The following GNL2 variants were observed in gnomAD, a reference collection of about 807,000 sequenced individuals.
GNL2 encodes nucleolar GTP-binding protein 2.
In GNL2, 51 loss-of-function variants were observed where a neutral mutation model predicts 92.3. The ratio of observed to expected loss-of-function variants is 0.55; its 90% CI spans 0.44 to 0.70. The LOEUF (loss-of-function observed/expected upper bound fraction) is 0.70. GNL2 is among the 30% of genes least tolerant of loss of function. GNL2 has a pLI of 0.00. For synonymous variants in GNL2, 283 were observed against 300.6 expected (o/e 0.94, Z 0.61); for missense variants, 844 against 895.6 (o/e 0.94, Z 0.74).
Position 37,567,716 on chromosome 1 carries a change from T to C in GNL2, c.2000A>G (p.Gln667Arg). 2 of 1,614,026 alleles carry C rather than the reference T, an allele frequency of 1.2e-6. No homozygotes were observed. Among genetic ancestry groups the C allele is most frequent in the Non-Finnish European group, 1.7e-6 (2 of 1,179,844 alleles). The change falls in exon 15 of 16, where the codon CAG becomes CGG. Residue 667 changes from glutamine (Q) to arginine (R), a missense_variant. Coordinates refer to ENST00000373062, the MANE Select transcript of GNL2 (RefSeq NM_013285.3). ...KKRKAQREEE[Q>R]EHSNKAPRAL... Reference sequence around the variant, plus strand: ...CCTGGGAGCTTTATTTGAATGTTCCTGTTCCTCTTCCCTTTGTGCCTTCCG... The same window carrying C: ...CCTGGGAGCTTTATTTGAATGTTCCCGTTCCTCTTCCCTTTGTGCCTTCCG...
At chr1:37,574,268 G>T in intron 12 of GNL2, 75 bp downstream of exon 12, 2 of 805,232 alleles carry the variant, frequency 2.5e-6, no homozygotes, top group Non-Finnish European at 4.3e-6. Flanking sequence ...GCTCTATGAA[G>T]AGAGACAATC....
In GNL2 at chr1:37,574,740, T is replaced by C; in HGVS notation, c.1227A>G (p.Thr409=). 2 of 1,613,764 alleles carry C rather than the reference T, an allele frequency of 1.2e-6. No individual in the cohort carries two copies. Among genetic ancestry groups the C allele is most frequent in the East Asian group, 2.2e-5 (1 of 44,890 alleles). Residue 409 remains threonine, a synonymous_variant, in exon 11 of 16, where the codon ACA becomes ACG. Coordinates refer to ENST00000373062, the MANE Select transcript of GNL2 (RefSeq NM_013285.3). ...CATTCTCCCAAGAATCAATCTTGTA[T>C]GTTTTGCTGATATATTCTGGCTTTG... is the stretch of plus-strand genomic sequence containing the variant. ...ERAKPEYISK[T]YKIDSWENAE...
Position 37,575,723 on chromosome 1 carries a change from A to G in GNL2, c.1039-24T>C. ...ACCTGAAGTCAGAAAAAAGTCAGAG[A>G]TGTCCTGTATCAAACACTAAGAGTC... On this transcript the variant is annotated intron_variant, in intron 9 of 15. Coordinates refer to ENST00000373062, the MANE Select transcript of GNL2 (RefSeq NM_013285.3). This position sits in a 1 kb window ranked among gnomAD's most constrained non-coding sequence, Gnocchi z 4.1. 7.1e-7 allele frequency: 1 copy of G among 1,417,404 alleles called. No individual in the cohort carries two copies. Among genetic ancestry groups the G allele is most frequent in the Non-Finnish European group, 9.8e-7 (1 of 1,016,464 alleles). 87.8% of individuals were successfully genotyped at this position (1,417,404 alleles called of 1,614,324 possible).
intron 2 of GNL2, 179 bp downstream of exon 2, chr1:37,593,583 C>G (rs1643901103): frequency 3.7e-6 from 2 of 535,750 alleles, no homozygotes; most frequent in African/African-American, 1.9e-5. Flanking sequence ...GCCAGCTACC[C>G]ATGTCCTTAA....
At position 37,592,785 on chromosome 1, in the gene GNL2, A is replaced by C. The variant is rs1210797566; in HGVS notation, c.171T>G (p.Ile57Met). Residue 57 changes from isoleucine to methionine, a missense_variant, in exon 3 of 16, where the codon ATT (isoleucine) becomes ATG (methionine). Transcript: ENST00000373062. ...CCGTTGATTGATATTGCAGGGGTTT[A>C]ATTATTTTACCACGACTGTTCCTAA... Reference protein sequence around the residue: ...KERRNSRGKIIKPLQYQSTVA... With the variant: ...KERRNSRGKIMKPLQYQSTVA... 6.2e-7 allele frequency: 1 copy of C among 1,603,864 alleles called. No individual in the cohort carries two copies. Among genetic ancestry groups the C allele is most frequent in the East Asian group, 2.2e-5 (1 of 44,842 alleles).
In GNL2 at chr1:37,574,734, C is replaced by G; in HGVS notation, c.1233G>C (p.Lys411Asn). 6.2e-7 allele frequency: 1 copy of G among 1,613,788 alleles called. No individual in the cohort carries two copies. The highest frequency in any genetic ancestry group is 8.5e-7 in the Non-Finnish European group (1 of 1,179,672). Reference sequence around the variant, plus strand: ...CCTCAGCATTCTCCCAAGAATCAATCTTGTATGTTTTGCTGATATATTCTG... The same window carrying G: ...CCTCAGCATTCTCCCAAGAATCAATGTTGTATGTTTTGCTGATATATTCTG... ...AKPEYISKTY[K>N]IDSWENAEDF... Residue 411 changes from lysine to asparagine, a missense_variant, in exon 11 of 16, where the codon AAG (lysine) becomes AAC (asparagine). Lys to Asn is a moderately conservative substitution (Grantham distance 94). Transcript: ENST00000373062.
Position 37,582,279 on chromosome 1 carries a change from G to C in GNL2, c.853C>G (p.Leu285Val). 6.2e-7 allele frequency: 1 copy of C among 1,613,534 alleles called. No homozygotes were observed. Among genetic ancestry groups the C allele is most frequent in the Non-Finnish European group, 8.5e-7 (1 of 1,179,748 alleles). Residue 285 changes from leucine (L) to valine (V), a missense_variant, in exon 8 of 16, where the codon CTT becomes GTT. Physicochemically the swap from Leu to Val is conservative, Grantham distance 32 (BLOSUM62 1). Transcript: ENST00000373062. ...DYPTLAFHASLTNPFGKGAFI... is the reference protein window; with the variant it reads ...DYPTLAFHASVTNPFGKGAFI... ...GCTCCCTTGCCAAACGGGTTAGTAA[G>C]GCTTGCATGGAAAGCAAGTGTTGGA...
rs762171160 is a variant in GNL2, at chr1:37,574,393, T to A, written c.1366A>T (p.Ile456Phe). 6.2e-7 allele frequency: 1 copy of A among 1,613,998 alleles called. No individual in the cohort carries two copies. The highest frequency in any genetic ancestry group is 2.2e-5 in the East Asian group (1 of 44,880). The change falls in exon 12 of 16, where the codon ATT (isoleucine) becomes TTT (phenylalanine). Residue 456 changes from isoleucine (I) to phenylalanine (F), a missense_variant. By Grantham distance (21) the Ile-to-Phe change is conservative (BLOSUM62 0). Coordinates refer to ENST00000373062, the MANE Select transcript of GNL2 (RefSeq NM_013285.3). ...TTGGGTGGCTTGACAAAGAAAGGAA[T>A]CCGGCCCCTCTGCCAGTCATTGAGG... ...MVLNDWQRGR[I>F]PFFVKPPNAE...
intron 8 of GNL2, among the ~76,000 whole-genome samples, chr1:37,580,870 A>G (rs1209253086): frequency 2.0e-5 from 3 of 152,230 alleles, no homozygotes; most frequent in Non-Finnish European, 4.4e-5. Flanking sequence ...ATCAGCTGTG[A>G]CTAATATTTT....
intron 5 of GNL2, 107 bp downstream of exon 5, chr1:37,587,204 T>A: frequency 1.3e-6 from 1 of 760,602 alleles, no homozygotes; most frequent in Non-Finnish European, 2.1e-6. Flanking sequence ...GAAGCGGAGG[T>A]TGCAGTGGGC....
chr1:37,569,080 G>C lies in GNL2; in HGVS notation c.1639C>G (p.Leu547Val). The C allele has an allele frequency of 6.2e-7, 1 of 1,614,102 alleles. No homozygotes were observed. The change falls in exon 13 of 16, where the codon CTG becomes GTG. Residue 547 changes from leucine to valine, a missense_variant. Physicochemically the swap from Leu to Val is conservative, Grantham distance 32 (BLOSUM62 1). Coordinates refer to ENST00000373062, the MANE Select transcript of GNL2 (RefSeq NM_013285.3). ...NVVPQFSGDD[L>V]VPVEVSDLEE... ...AGATCTGACACCTCCACAGGAACCA[G>C]GTCATCCCCAGAAAACTGAGGCACC... is the stretch of plus-strand genomic sequence containing the variant.
At chr1:37,589,781 T>C (rs766070157) in intron 4 of GNL2, among the ~76,000 whole-genome samples, 3 of 152,188 alleles carry the variant, frequency 2.0e-5, no homozygotes, top group Non-Finnish European at 2.9e-5. Context: ...TCAACCCAGA[T>C]TGAATCCTTA....
At chr1:37,581,443 C>T (rs1323364297) in intron 8 of GNL2, 1 of 456,046 alleles carries the variant, frequency 2.2e-6, no homozygotes, top group Admixed American at 2.3e-5. Flanking sequence ...TTTGGCAGGG[C>T]CCTCTCCAAC....
intron 1 of GNL2, 125 bp downstream of exon 1, chr1:37,595,634 C>T: frequency 1.3e-6 from 1 of 792,692 alleles, no homozygotes; most frequent in Non-Finnish European, 2.1e-6. Context: ...TCCCCAACAG[C>T]CACCCCGCTC....
In GNL2 at chr1:37,582,232, C is replaced by A. The variant is rs1318090580; in HGVS notation, c.900G>T (p.Gln300His). ...GATCAGGGCTCAATACCTTTCCAAACTGCCGCAGAAGCTGAATGAATGCTC... is the reference window on the plus strand; with the variant it reads ...GATCAGGGCTCAATACCTTTCCAAAATGCCGCAGAAGCTGAATGAATGCTC... The part of the protein sequence containing the change: ...GKGAFIQLLR[Q>H]FGKLHTDKKQ... The change falls in exon 8 of 16, where the codon CAG becomes CAT. Residue 300 changes from glutamine (Q) to histidine (H), a missense_variant. Gln to His is a conservative substitution (Grantham distance 24). Transcript: ENST00000373062. 6.2e-7 allele frequency: 1 copy of A among 1,608,046 alleles called. No individual in the cohort carries two copies. The highest frequency in any genetic ancestry group is 2.2e-5 in the East Asian group (1 of 44,778).
At chr1:37,589,285 A>C (rs187963359) in intron 4 of GNL2, among the ~76,000 whole-genome samples, 2 of 152,342 alleles carry the variant, frequency 1.3e-5, no homozygotes, top group East Asian at 3.9e-4. Flanking sequence ...GCAAGTAAAC[A>C]GTTTTCTTTG....
rs756075370 is a variant in GNL2, at chr1:37,574,420, C to T, written c.1339G>A (p.Val447Ile). 4 of 1,614,070 alleles carry T rather than the reference C, an allele frequency of 2.5e-6. No homozygotes were observed. Among genetic ancestry groups the T allele is most frequent in the Non-Finnish European group, 3.4e-6 (4 of 1,179,984 alleles). Residue 447 changes from valine (V) to isoleucine (I), a missense_variant, in exon 12 of 16, where the codon GTC becomes ATC. Transcript: ENST00000373062. ...EPDLQTVGKM[V>I]LNDWQRGRIP... ...CGGCCCCTCTGCCAGTCATTGAGGA[C>T]CATCTTACCCACAGTCTGCAAGTCG... is the stretch of plus-strand genomic sequence containing the variant.
intron 12 of GNL2, among the ~76,000 whole-genome samples, chr1:37,573,706 T>A (rs1057307454): frequency 6.6e-6 from 1 of 152,202 alleles, no homozygotes; most frequent in Non-Finnish European, 1.5e-5. Context: ...TCACTTACAT[T>A]TAATGAGCCC....
chr1:37,581,403 G>A (rs756808045), intron 8 of GNL2: 1 of 456,064 alleles, frequency 2.2e-6, no homozygotes, highest in South Asian at 1.5e-5. Flanking sequence ...CTCAGGAGCT[G>A]ACGTCTGACC....
Sources: allele counts gnomAD v4.1 joint callset (sites outside exome capture counted in the v4.1 genomes callset), GRCh38; gene constraint gnomAD v4.1.1; non-coding constraint Gnocchi (gnomAD v3.1); transcripts MANE v1.5; gene names NCBI Gene and HGNC (gene_info 2026-07-23, HGNC 2026-07-21).